Variants in DAGLA observed in about 807,000 individuals in gnomAD.
DAGLA encodes diacylglycerol lipase alpha.
In DAGLA, 22 loss-of-function variants were observed where a neutral mutation model predicts 102.6. That is an observed-to-expected ratio of 0.21 (90% CI 0.15 to 0.31). DAGLA has a LOEUF of 0.31. Among genes scored for constraint, DAGLA ranks in the 10% least tolerant of loss-of-function variants. The pLI, the probability that DAGLA is intolerant of heterozygous loss-of-function variation, is 1.00. For synonymous variants in DAGLA, 578 were observed against 628.9 expected, an observed-to-expected ratio of 0.92 and a Z score of 1.21; for missense variants, 927 against 1,446.6, an observed-to-expected ratio of 0.64 and a Z score of 5.83.
chr11:61,716,491 G>T (rs768634794), intron 1 of DAGLA, among the ~76,000 whole-genome samples: 2 of 151,794 alleles, frequency 1.3e-5, no homozygotes, highest in Non-Finnish European at 2.9e-5. Context: ...TTGGGGTGTC[G>T]AGAAAGAAGG....
intron 1 of DAGLA, among the ~76,000 whole-genome samples, chr11:61,709,648 G>T (rs997921911): frequency 1.3e-5 from 2 of 152,208 alleles, no homozygotes; most frequent in African/African-American, 4.8e-5. Context: ...CAGAGGGAGG[G>T]GACGGGGCTG....
chr11:61,720,317 G>C, intron 2 of DAGLA, 67 bp downstream of exon 2: 1 of 1,506,840 alleles, frequency 6.6e-7, no homozygotes, highest in South Asian at 1.1e-5. Context: ...ACGCTTTCTG[G>C]CCATTTGTTC....
rs1265112587 is a variant in DAGLA at position 61,720,755 on chromosome 11, C to T, written c.172C>T (p.His58Tyr). ...HEACSLNLVD[H>Y]GRGYLGILLS... ...GGCCTGCTCCCTGAACCTGGTGGAC[C>T]ACGGCCGCGGCTACCTGGGCATCCT... Residue 58 changes from histidine to tyrosine, a missense_variant, in exon 3 of 20, where the codon CAC becomes TAC. Physicochemically the swap from His to Tyr is moderately conservative, Grantham distance 83 (BLOSUM62 2). Coordinates refer to ENST00000257215, the MANE Select transcript of DAGLA (RefSeq NM_006133.3). 6.2e-7 allele frequency: 1 copy of T among 1,614,000 alleles called. No homozygotes were observed.
At chr11:61,717,470 C>T (rs1377928116) in intron 1 of DAGLA, among the ~76,000 whole-genome samples, 3 of 152,140 alleles carry the variant, frequency 2.0e-5, no homozygotes, top group Non-Finnish European at 2.9e-5. Flanking sequence ...CTCCCTCCGC[C>T]TCGCCCGCCC....
At chr11:61,687,026 T>C (rs1171123786) in intron 1 of DAGLA, among the ~76,000 whole-genome samples, 1 of 152,164 alleles carries the variant, frequency 6.6e-6, no homozygotes, top group Non-Finnish European at 1.5e-5. Flanking sequence ...AGCCACAAAA[T>C]AATACTAGTA....
chr11:61,724,257 G>C (rs2065306789), intron 5 of DAGLA, among the ~76,000 whole-genome samples: 1 of 152,136 alleles, frequency 6.6e-6, no homozygotes, highest in African/African-American at 2.4e-5. Context: ...ACAATAATTT[G>C]TTTGTTGAAA....
chr11:61,707,214 A>G (rs1398513662), intron 1 of DAGLA, among the ~76,000 whole-genome samples: 1 of 152,200 alleles, frequency 6.6e-6, no homozygotes, highest in Non-Finnish European at 1.5e-5. Context: ...CTCCCACCAC[A>G]CCCTGAGCAG....
Position 61,744,178 on chromosome 11 carries a change from G to C in DAGLA, c.2818G>C (p.Glu940Gln). 1 of 1,613,034 alleles carries C rather than the reference G, an allele frequency of 6.2e-7. No homozygotes were observed. The highest frequency in any genetic ancestry group is 8.5e-7 in the Non-Finnish European group (1 of 1,179,986). The change falls in exon 20 of 20, where the codon GAG becomes CAG. Residue 940 changes from glutamate to glutamine, a missense_variant. Transcript: ENST00000257215. ...FQDLYCMVVP[E>Q]SPTSDYAEGP... ...AGACCTCTACTGCATGGTGGTGCCC[G>C]AGAGCCCCACCAGTGACTACGCTGA...
In DAGLA at chr11:61,684,092, C is replaced by T. The variant is rs1352257465; in HGVS notation, c.-45+3588C>T. 6.6e-6 allele frequency among the ~76,000 whole-genome samples: 1 copy of T among 152,216 alleles called. No homozygotes were observed. The highest frequency in any genetic ancestry group is 1.9e-4 in the East Asian group (1 of 5,188). ...GATGCTGGACCAGAGCTGACAGCAG[C>T]GGGCCAGAAGGCTGCAGCTGAAGGC... is the stretch of plus-strand genomic sequence containing the variant. On this transcript the variant is annotated intron_variant, in intron 1 of 19. Coordinates refer to ENST00000257215, the MANE Select transcript of DAGLA (RefSeq NM_006133.3). The surrounding 1 kb of genome is among the most constrained non-coding windows in gnomAD (Gnocchi z 4.5).
rs1220233224 is a variant in DAGLA, at chr11:61,740,444, C to A, written c.1854-19C>A. ...CCACCACCCCACCCTTAACTCCCCT[C>A]TGTCCATGTCCCTCTCAGCTGCTGT... On this transcript the variant is annotated intron_variant, in intron 17 of 19. Coordinates refer to ENST00000257215, the MANE Select transcript of DAGLA (RefSeq NM_006133.3). The A allele has an allele frequency of 6.2e-7, 1 of 1,611,634 alleles. No individual in the cohort carries two copies. The highest frequency in any genetic ancestry group is 8.5e-7 in the Non-Finnish European group (1 of 1,178,808).
intron 1 of DAGLA, among the ~76,000 whole-genome samples, chr11:61,692,989 T>A (rs1229650892): frequency 2.0e-5 from 3 of 152,014 alleles, no homozygotes; most frequent in Non-Finnish European, 4.4e-5. Flanking sequence ...CATGGGTGAT[T>A]TATATTTTCT....
In DAGLA at chr11:61,744,485, G is replaced by T. The variant is rs775061931; in HGVS notation, c.3125G>T (p.Arg1042Leu). The stretch of plus-strand genomic sequence containing the variant: ...CAAGATGAGCTGGTCATCTCAGCAC[G>T]CTAGCACCCCAGTTGCGTGGCCAGC... ...AKQDELVISA[R>L] Residue 1042 changes from arginine (R) to leucine (L), a missense_variant, in exon 20 of 20, where the codon CGC becomes CTC. This residue lies in a region of DAGLA where 434 missense variants were observed against 503.3 expected (regional missense o/e 0.86). Transcript: ENST00000257215. 25 of 1,555,910 alleles carry T rather than the reference G, an allele frequency of 1.6e-5. No homozygotes were observed. The African/African-American group carries it at 2.9e-4, about 18-fold the overall frequency.
Position 61,731,427 on chromosome 11 carries a change from G to A in DAGLA, c.960G>A (p.Leu320=). The A allele has an allele frequency of 6.2e-7, 1 of 1,613,786 alleles. No individual in the cohort carries two copies. The highest frequency in any genetic ancestry group is 8.5e-7 in the Non-Finnish European group (1 of 1,180,008). The change falls in exon 9 of 20, where the codon CTG becomes CTA. Residue 320 remains leucine, a synonymous_variant. Transcript: ENST00000257215. ...MRKPACGLCQ[L]ARSCSCCLCP... ...AGCCCGCCTGCGGCCTCTGCCAACT[G>A]GCTCGGTCCTGCTCGTGAGTACCCC...
chr11:61,738,649 C>T (rs1178568952), intron 16 of DAGLA, among the ~76,000 whole-genome samples: 1 of 152,038 alleles, frequency 6.6e-6, no homozygotes. Flanking sequence ...ACAGTTTGTT[C>T]TGATTTTCTG....
intron 1 of DAGLA, among the ~76,000 whole-genome samples, chr11:61,701,974 G>A (rs530431024): frequency 6.6e-6 from 1 of 151,750 alleles, no homozygotes; most frequent in Admixed American, 6.6e-5. Flanking sequence ...CAGGTTCCCC[G>A]TATGTTGCCC....
rs1490164655 is a variant in DAGLA, at chr11:61,746,345, C to T, written c.*1856C>T. The T allele has an allele frequency of 6.6e-6, 1 of 152,530 alleles. No homozygotes were observed. The highest frequency in any genetic ancestry group is 1.5e-5 in the Non-Finnish European group (1 of 68,048). 9.4% of individuals were successfully genotyped at this position (152,530 alleles called of 1,614,324 possible). A position where few individuals can be genotyped will look rare whatever the true frequency, so the allele number is the denominator to read the frequency against. On this transcript the variant is annotated 3_prime_UTR_variant, in exon 20 of 20. Coordinates refer to ENST00000257215, the MANE Select transcript of DAGLA (RefSeq NM_006133.3). ...GGCTCTTAGAGTTTAGAAAACAAGA[C>T]AGACTCTCAGATGAAAGATCTGACA...
intron 8 of DAGLA, 89 bp from the exon 9 acceptor site, chr11:61,731,228 C>T (rs1260904658): frequency 2.5e-5 from 39 of 1,539,138 alleles, no homozygotes; most frequent in Middle Eastern, 1.7e-4. Context: ...GGGTTGGGTC[C>T]GCAGGCTCCC....
At chr11:61,687,682 C>T (rs2064996985) in intron 1 of DAGLA, among the ~76,000 whole-genome samples, 1 of 152,234 alleles carries the variant, frequency 6.6e-6, no homozygotes. Context: ...GCTGGCGCCC[C>T]TCAGAGAGAG....
At chr11:61,721,042 G>C in intron 3 of DAGLA, 152 bp downstream of exon 3, 1 of 743,334 alleles carries the variant, frequency 1.3e-6, no homozygotes, top group Admixed American at 2.7e-5. Context: ...TTACATTCTA[G>C]ACTAGGGGCC....
Sources: gnomAD v4.1 joint callset for allele counts (sites outside exome capture counted in the v4.1 genomes callset) on GRCh38, gnomAD v4.1.1 for gene constraint, gnomAD v4.1.1 regional missense constraint, Gnocchi (gnomAD v3.1) non-coding constraint, MANE v1.5 for transcripts, NCBI Gene and HGNC (gene_info 2026-07-23, HGNC 2026-07-21) for gene names.